AMBRA1: variants seen among roughly 807,000 people sequenced by gnomAD.
AMBRA1 encodes autophagy and beclin 1 regulator 1.
A neutral mutation model predicts 125.4 loss-of-function variants in AMBRA1; 47 were observed. That is an observed-to-expected ratio of 0.37 (90% CI 0.30 to 0.48). AMBRA1 has a LOEUF of 0.48. AMBRA1 is among the 20% of genes least tolerant of loss of function. AMBRA1 has a pLI of 0.99. For synonymous variants in AMBRA1, 626 were observed against 655.5 expected (o/e 0.95, Z 0.69); for missense variants, 1,331 against 1,693.4 (o/e 0.79, Z 3.76).
intron 1 of AMBRA1, among the ~76,000 whole-genome samples, chr11:46,587,380 A>C (rs1043058291): frequency 6.6e-6 from 1 of 151,434 alleles, no homozygotes; most frequent in Non-Finnish European, 1.5e-5. Context: ...ACCCTGCCAC[A>C]AAAAAAAAGT....
chr11:46,411,944 G>A (rs1032335126), intron 15 of AMBRA1, among the ~76,000 whole-genome samples: 2 of 152,052 alleles, frequency 1.3e-5, no homozygotes, highest in African/African-American at 4.8e-5. Flanking sequence ...TCTTTTAGAG[G>A]GTAACTATGA....
At chr11:46,418,597 G>A (rs958236730) in intron 14 of AMBRA1, among the ~76,000 whole-genome samples, 2 of 151,410 alleles carry the variant, frequency 1.3e-5, no homozygotes, top group Non-Finnish European at 2.9e-5. Flanking sequence ...TCTCCTTCCT[G>A]TGTCCAAGTG....
At position 46,433,546 on chromosome 11, in the gene AMBRA1, G is replaced by C; in HGVS notation, c.2904C>G (p.His968Gln). ...VGLASRRILL[H>Q]PSTEHMVAQV... The stretch of plus-strand genomic sequence containing the variant: ...GGGCCACCATGTGCTCTGTGGAGGG[G>C]TGCAGCAGGATCCTTCGTGAGGCCA... Residue 968 changes from histidine (H) to glutamine (Q), a missense_variant, in exon 14 of 18, where the codon CAC becomes CAG. His to Gln is a conservative substitution (Grantham distance 24, BLOSUM62 0). Around this residue, in one of 4 missense-constraint regions of AMBRA1, gnomAD observed 354 missense variants for 532.7 expected, o/e 0.66. Transcript: ENST00000683756. 6.2e-7 allele frequency: 1 copy of C among 1,614,174 alleles called. No individual in the cohort carries two copies. Among genetic ancestry groups the C allele is most frequent in the Non-Finnish European group, 8.5e-7 (1 of 1,180,006 alleles).
At chr11:46,401,328 C>T (rs1411919236) in intron 17 of AMBRA1, among the ~76,000 whole-genome samples, 1 of 152,244 alleles carries the variant, frequency 6.6e-6, no homozygotes, top group Non-Finnish European at 1.5e-5. Flanking sequence ...GCAACCTCCA[C>T]TTCCCGGGTT....
At chr11:46,544,519 G>C (rs1952906398) in intron 5 of AMBRA1, among the ~76,000 whole-genome samples, 1 of 152,094 alleles carries the variant, frequency 6.6e-6, no homozygotes, top group South Asian at 2.1e-4. Flanking sequence ...GAGGACCAAA[G>C]AAACACAATG....
chr11:46,498,286 T>C lies in AMBRA1; in HGVS notation c.2340-4082A>G, dbSNP rs985375511. Among the ~76,000 whole-genome samples, 3 of 152,150 alleles carry C rather than the reference T, an allele frequency of 2.0e-5. No individual in the cohort carries two copies. The East Asian group carries it at 5.8e-4, about 29-fold the overall frequency. ...AACAGAGTACACAAATATGTTGGTA[T>C]TGCTCCTCCAACATAGGAGGAATAC... On this transcript the variant is annotated intron_variant, in intron 9 of 17. Transcript: ENST00000683756.
At chr11:46,422,021 C>G (rs938210433) in intron 14 of AMBRA1, among the ~76,000 whole-genome samples, 2 of 152,160 alleles carry the variant, frequency 1.3e-5, no homozygotes, top group African/African-American at 4.8e-5. Context: ...ATGTTCAGAA[C>G]AAAGCTTGGG....
rs142772865 is a variant in AMBRA1, at chr11:46,424,875, G to A, written c.2977-6823C>T. 4.6e-3 allele frequency among the ~76,000 whole-genome samples: 699 copies of A among 152,298 alleles called. 11 individuals carry two copies. The highest frequency in any genetic ancestry group is 0.016 in the African/African-American group (680 of 41,540). ...AAATAGGCCAGGTGTAGTGGCTCAT[G>A]CCTGTAATCCCAGCACTTTGGGAGG... On this transcript the variant is annotated intron_variant, in intron 14 of 17. Coordinates refer to ENST00000683756, the MANE Select transcript of AMBRA1 (RefSeq NM_001387011.1).
chr11:46,499,539 T>C (rs1341877461), intron 9 of AMBRA1, among the ~76,000 whole-genome samples: 2 of 152,234 alleles, frequency 1.3e-5, no homozygotes, highest in African/African-American at 2.4e-5. Context: ...GTATGTATTT[T>C]ACAAATACAT....
chr11:46,557,130 C>T (rs1484741858), intron 1 of AMBRA1, among the ~76,000 whole-genome samples: 2 of 145,860 alleles, frequency 1.4e-5, no homozygotes, highest in African/African-American at 5.1e-5. Flanking sequence ...GAGCGAAACT[C>T]CATCTCAAAA....
chr11:46,477,416 C>G (rs1949860677), intron 11 of AMBRA1, among the ~76,000 whole-genome samples: 1 of 150,144 alleles, frequency 6.7e-6, no homozygotes. Flanking sequence ...CTCCCAGGCT[C>G]TAATGATCCT....
At position 46,554,048 on chromosome 11, in the gene AMBRA1, T is replaced by G. The variant is rs1368562460; in HGVS notation, c.-120-5548A>C. 2.0e-5 allele frequency among the ~76,000 whole-genome samples: 3 copies of G among 152,152 alleles called. No homozygotes were observed. The East Asian group carries it at 5.8e-4, about 29-fold the overall frequency. On this transcript the variant is annotated intron_variant, in intron 1 of 17. Coordinates refer to ENST00000683756, the MANE Select transcript of AMBRA1 (RefSeq NM_001387011.1). ...GTAGCCCTTCGGTCAAACTGCCACA[T>G]AAGTGATTAATTACTAACCAGGAAA...
chr11:46,511,097 G>A (rs571473925), intron 8 of AMBRA1, among the ~76,000 whole-genome samples: 26 of 152,294 alleles, frequency 1.7e-4, no homozygotes, highest in African/African-American at 6.3e-4. Context: ...TATAAAAGGA[G>A]GATAAATCAT....
At chr11:46,434,455 T>C (rs1371243568) in intron 13 of AMBRA1, among the ~76,000 whole-genome samples, 2 of 150,690 alleles carry the variant, frequency 1.3e-5, no homozygotes, top group Non-Finnish European at 2.9e-5. Flanking sequence ...TTTTTCTGTA[T>C]GGTAACACTG....
At chr11:46,426,484 C>A (rs1206309706) in intron 14 of AMBRA1, among the ~76,000 whole-genome samples, 2 of 152,204 alleles carry the variant, frequency 1.3e-5, no homozygotes, top group Non-Finnish European at 2.9e-5. Context: ...GCAGCATAGA[C>A]TGCACTCTAC....
rs187886217 is a variant in AMBRA1 at position 46,516,564 on chromosome 11, G to A, written c.2073-3751C>T. On this transcript the variant is annotated intron_variant, in intron 7 of 17. Transcript: ENST00000683756. ...TCCTGCCTCAGCCTCCCAAGTAGCT[G>A]GGACTACAGGCACCTGCCACCATGC... is the stretch of plus-strand genomic sequence containing the variant. Among the ~76,000 whole-genome samples the A allele has an allele frequency of 1.8e-3, 274 of 151,454 alleles. 1 individual carries two copies. Among genetic ancestry groups the A allele is most frequent in the African/African-American group, 6.4e-3 (263 of 41,308 alleles).
At chr11:46,414,650 T>TGCTG (rs1171057872) in intron 15 of AMBRA1, among the ~76,000 whole-genome samples, 1 of 151,988 alleles carries the variant, frequency 6.6e-6, no homozygotes, top group Non-Finnish European at 1.5e-5. Flanking sequence ...TCAGTGGGGG[T>TGCTG]GCTGGCTGGC....
chr11:46,582,618 T>A (rs1309292507), intron 1 of AMBRA1, among the ~76,000 whole-genome samples: 1 of 152,162 alleles, frequency 6.6e-6, no homozygotes, highest in East Asian at 1.9e-4. Context: ...AGCCAGGTTG[T>A]TTGGACGCGA....
intron 1 of AMBRA1, among the ~76,000 whole-genome samples, chr11:46,574,508 G>C (rs1659154850): frequency 1.3e-5 from 2 of 151,560 alleles, no homozygotes; most frequent in South Asian, 4.2e-4. Flanking sequence ...CTTTTTGATG[G>C]GGTTGTTTGT....
Sources: gnomAD v4.1 joint callset for allele counts (sites outside exome capture counted in the v4.1 genomes callset) on GRCh38, gnomAD v4.1.1 for gene constraint, gnomAD v4.1.1 regional missense constraint, MANE v1.5 for transcripts, NCBI Gene and HGNC (gene_info 2026-07-23, HGNC 2026-07-21) for gene names.